ITFG2: variants seen among roughly 807,000 people sequenced by gnomAD.
ITFG2 encodes the protein KICSTOR complex protein ITFG2.
ITFG2 carries 36 observed loss-of-function variants against 54.4 expected under a neutral mutation model. The ratio of observed to expected loss-of-function variants is 0.66; its 90% CI spans 0.51 to 0.87. The LOEUF is 0.87. Ranked by LOEUF, ITFG2 falls within the 40% of genes least tolerant of loss-of-function variation. ITFG2 has a pLI of 0.00. For synonymous variants in ITFG2, 211 were observed against 225.4 expected (o/e 0.94, Z 0.57); for missense variants, 524 against 576.7 (o/e 0.91, Z 0.94).
intron 6 of ITFG2, 75 bp from the exon 7 acceptor site, chr12:2,821,187 G>T: frequency 8.6e-7 from 1 of 1,163,674 alleles, no homozygotes; most frequent in East Asian, 2.6e-5. Context: ...GCTCTTGCAG[G>T]GATAGGGGTT....
At position 2,847,528 on chromosome 12, in the gene ITFG2, A is replaced by G. The variant is rs186039697; in HGVS notation, n.300+6533A>G. 3.1e-3 allele frequency among the ~76,000 whole-genome samples: 467 copies of G among 152,182 alleles called. 1 individual carries two copies. Among genetic ancestry groups the G allele is most frequent in the Middle Eastern group, 0.017 (5 of 294 alleles). On this transcript the variant is annotated intron_variant and non_coding_transcript_variant, in intron 2 of 3. Coordinates refer to the ITFG2 transcript ENST00000537710. Reference sequence around the variant, plus strand: ...TAAAAATACAAAAAATTAGCCGGGCATCGTGGCGCACGCCTGTAGTCCCAG... The same window carrying G: ...TAAAAATACAAAAAATTAGCCGGGCGTCGTGGCGCACGCCTGTAGTCCCAG...
At chr12:2,835,645 A>G (rs1048649783), upstream of ITFG2, 2 of 152,200 alleles carry the variant, frequency 1.3e-5, no homozygotes, top group Admixed American at 6.5e-5. Context: ...ACTCTCCTCA[A>G]GTCCTGGCTC....
At chr12:2,853,863 C>T (rs922924197) in intron 2 of ITFG2, among the ~76,000 whole-genome samples, 16 of 152,122 alleles carry the variant, frequency 1.1e-4, no homozygotes, top group East Asian at 3.9e-4. Context: ...ACTTCTCAGC[C>T]CTGCCTGGAG....
downstream of ITFG2, chr12:2,828,354 C>T (rs752221715): frequency 3.7e-6 from 6 of 1,614,060 alleles, no homozygotes; most frequent in South Asian, 2.2e-5. Flanking sequence ...AGACATCCAG[C>T]AGAGATCCGA....
intron 1 of ITFG2, among the ~76,000 whole-genome samples, chr12:2,838,970 C>CT (rs1321103804): frequency 6.6e-6 from 1 of 151,620 alleles, no homozygotes; most frequent in Non-Finnish European, 1.5e-5. Flanking sequence ...CCCCTCATAA[C>CT]TTTTTTACCT....
chr12:2,822,662 T>C (rs774343926), intron 9 of ITFG2, 132 bp from the exon 10 acceptor site: 24 of 743,404 alleles, frequency 3.2e-5, no homozygotes, highest in Non-Finnish European at 5.4e-5. Flanking sequence ...GTGAGCATTA[T>C]GTGAGGTGGC....
At chr12:2,832,000 C>T (rs2153926271), upstream of ITFG2, among the ~76,000 whole-genome samples, 1 of 152,234 alleles carries the variant, frequency 6.6e-6, no homozygotes, top group Non-Finnish European at 1.5e-5. Flanking sequence ...AGACCTGTTA[C>T]CTTTCAAATA....
At chr12:2,828,755 T>A (rs1209769388), downstream of ITFG2, among the ~76,000 whole-genome samples, 10 of 152,160 alleles carry the variant, frequency 6.6e-5, no homozygotes, top group East Asian at 1.7e-3. Flanking sequence ...GGCAGGAGAA[T>A]CGCTTGAACC....
At chr12:2,849,360 G>C in intron 2 of ITFG2, 1 of 1,536,152 alleles carries the variant, frequency 6.5e-7, no homozygotes, top group African/African-American at 1.4e-5. Flanking sequence ...TGAGGTCCTG[G>C]CTCAGGGGCG....
chr12:2,838,297 G>C (rs2098033305), intron 1 of ITFG2, among the ~76,000 whole-genome samples: 1 of 152,150 alleles, frequency 6.6e-6, no homozygotes. Context: ...CATTCCTTTG[G>C]TTTGAAAATT....
upstream of ITFG2, among the ~76,000 whole-genome samples, chr12:2,835,924 T>C (rs1256397517): frequency 6.6e-6 from 1 of 152,254 alleles, no homozygotes; most frequent in African/African-American, 2.4e-5. Flanking sequence ...TGAATAGTTT[T>C]TGTTAGTGAG....
At chr12:2,839,995 T>C (rs575973077) in intron 1 of ITFG2, among the ~76,000 whole-genome samples, 26 of 152,032 alleles carry the variant, frequency 1.7e-4, no homozygotes, top group Middle Eastern at 6.8e-3. Flanking sequence ...GAACTTCCTG[T>C]TGGGTACTGT....
At chr12:2,859,171 G>T in intron 3 of ITFG2, 7 of 1,608,100 alleles carry the variant, frequency 4.4e-6, no homozygotes, top group Non-Finnish European at 5.9e-6. Flanking sequence ...TAGCTGAGCT[G>T]GGAGGCAGGG....
At chr12:2,846,724 G>T (rs990613431) in intron 2 of ITFG2, among the ~76,000 whole-genome samples, 6 of 151,562 alleles carry the variant, frequency 4.0e-5, no homozygotes, top group African/African-American at 1.5e-4. Flanking sequence ...CTCAGGAAAC[G>T]CTCCTTCACC....
At chr12:2,840,368 G>A (rs1161481154) in intron 1 of ITFG2, among the ~76,000 whole-genome samples, 4 of 151,302 alleles carry the variant, frequency 2.6e-5, no homozygotes, top group East Asian at 1.9e-4. Flanking sequence ...CATGAGAAAC[G>A]CTTGAAACCG....
At chr12:2,819,989 G>A (rs957285057) in intron 4 of ITFG2, 97 bp from the exon 5 acceptor site, 38 of 1,462,158 alleles carry the variant, frequency 2.6e-5, no homozygotes, top group Non-Finnish European at 3.4e-5. Flanking sequence ...CCGCAGATCG[G>A]GTGTGAAGCC....
intron 4 of ITFG2, 173 bp from the exon 5 acceptor site, chr12:2,819,913 A>G: frequency 1.5e-6 from 1 of 688,728 alleles, no homozygotes; most frequent in Non-Finnish European, 2.3e-6. Context: ...GATGGACCAA[A>G]TGGACGGGCA....
chr12:2,818,395 G>A, intron 4 of ITFG2, 118 bp downstream of exon 4: 13 of 1,527,926 alleles, frequency 8.5e-6, no homozygotes. Flanking sequence ...TTTGTTATGT[G>A]CTGAGCTCCC....
chr12:2,824,352 TATAGACCTCGC>T lies in ITFG2; in HGVS notation c.*161_*171del, dbSNP rs1235268471. On this transcript the variant is annotated 3_prime_UTR_variant, in exon 12 of 12. Coordinates refer to ENST00000228799, the MANE Select transcript of ITFG2 (RefSeq NM_018463.4). ...CAGCAGCCCTAGGGTGACCGTGAAC[TATAGACCTCGC>T]AGTCTTTTCGGTGAAAGAAGAGACA... 13 of 769,812 alleles carry T rather than the reference TATAGACCTCGC, an allele frequency of 1.7e-5. No individual in the cohort carries two copies. The highest frequency in any genetic ancestry group is 2.7e-5 in the Non-Finnish European group (12 of 447,076). 47.7% of individuals were successfully genotyped at this position (769,812 alleles called of 1,614,324 possible).
Sources: gnomAD v4.1 joint callset for allele counts (sites outside exome capture counted in the v4.1 genomes callset) on GRCh38, gnomAD v4.1.1 for gene constraint, MANE v1.5 for transcripts, NCBI Gene and HGNC (gene_info 2026-07-23, HGNC 2026-07-21) for gene names.